The following TECPR2 variants were observed in gnomAD, a reference collection of about 807,000 sequenced individuals.
TECPR2 encodes the protein tectonin beta-propeller repeat-containing protein 2.
In TECPR2, 65 loss-of-function variants were observed where a neutral mutation model predicts 138.1. That is an observed-to-expected ratio of 0.47 (90% CI 0.39 to 0.58). The LOEUF is 0.58. TECPR2 is among the 20% of genes least tolerant of loss of function. The probability of loss-of-function intolerance (pLI) is 0.00; values close to 1 mark genes in which losing one functional copy is unlikely to be tolerated. For missense variants in TECPR2, 1,553 were observed against 1,824.5 expected (o/e 0.85, Z 2.71); for synonymous variants, 746 against 749.8 (o/e 0.99, Z 0.08).
intron 2 of TECPR2, among the ~76,000 whole-genome samples, chr14:102,377,502 C>A (rs536229737): frequency 6.6e-5 from 10 of 152,054 alleles, no homozygotes; most frequent in Admixed American, 6.6e-5. Flanking sequence ...GTCAGGAGTT[C>A]GAGACCAGCC....
intron 1 of TECPR2, among the ~76,000 whole-genome samples, chr14:102,375,404 G>A (rs771693556): frequency 6.6e-6 from 1 of 152,090 alleles, no homozygotes; most frequent in African/African-American, 2.4e-5. Flanking sequence ...GTGACAGAGA[G>A]AGAACTCAGT....
chr14:102,496,923 T>C (rs778455252), intron 17 of TECPR2, 56 bp from the exon 18 acceptor site: 26 of 1,596,750 alleles, frequency 1.6e-5, no homozygotes, highest in Non-Finnish European at 2.2e-5. Context: ...AAGTCTCCTG[T>C]CCTTTCTCTT....
At chr14:102,482,360 C>T (rs1445648083) in intron 17 of TECPR2, among the ~76,000 whole-genome samples, 1 of 152,198 alleles carries the variant, frequency 6.6e-6, no homozygotes, top group Admixed American at 6.5e-5. Flanking sequence ...CCAGCCTGCT[C>T]ATCTAGTTTT....
chr14:102,413,063 T>A (rs1567330231), intron 4 of TECPR2, among the ~76,000 whole-genome samples: 2 of 152,078 alleles, frequency 1.3e-5, no homozygotes, highest in Non-Finnish European at 2.9e-5. Context: ...ACCACTACAC[T>A]CCAGCCTAGG....
intron 2 of TECPR2, among the ~76,000 whole-genome samples, chr14:102,379,951 A>C (rs1031840022): frequency 6.7e-6 from 1 of 149,710 alleles, no homozygotes; most frequent in African/African-American, 2.5e-5. Flanking sequence ...CACACTGCTG[A>C]AGATCACCAT....
chr14:102,368,008 T>G, intron 1 of TECPR2, among the ~76,000 whole-genome samples: 1 of 79,946 alleles, frequency 1.3e-5, no homozygotes, highest in African/African-American at 3.6e-5. Flanking sequence ...TTTTTTTTTT[T>G]TTTTTTTTTT....
At chr14:102,417,031 C>A (rs1056675742) in intron 5 of TECPR2, among the ~76,000 whole-genome samples, 3 of 152,118 alleles carry the variant, frequency 2.0e-5, no homozygotes, top group Non-Finnish European at 4.4e-5. Context: ...GCCCTTTAAC[C>A]TCTTGTGTGG....
rs1889281641 is a variant in TECPR2, at chr14:102,425,153, C to T, written c.813C>T (p.His271=). ...FAGGVKPFEL[H]PRLESPNSGS... ...GGGGAGTCAAGCCTTTTGAACTGCA[C>T]CCGCGTCTGGAATCCCCCAACAGTG... The change falls in exon 6 of 20, where the codon CAC becomes CAT. Residue 271 remains histidine, a synonymous_variant. Transcript: ENST00000359520. 1.2e-6 allele frequency: 2 copies of T among 1,614,098 alleles called. No individual in the cohort carries two copies. The highest frequency in any genetic ancestry group is 8.5e-7 in the Non-Finnish European group (1 of 1,180,022).
At chr14:102,460,324 A>G (rs1345045384) in intron 16 of TECPR2, among the ~76,000 whole-genome samples, 1 of 151,742 alleles carries the variant, frequency 6.6e-6, no homozygotes, top group Non-Finnish European at 1.5e-5. Context: ...CAATTAATTA[A>G]AAAACAAGGC....
At chr14:102,449,462 T>G (rs956892603) in intron 13 of TECPR2, among the ~76,000 whole-genome samples, 167 bp from the exon 14 acceptor site, 2 of 152,260 alleles carry the variant, frequency 1.3e-5, no homozygotes, top group African/African-American at 4.8e-5. Flanking sequence ...CCTGCCACAT[T>G]TTTTTGGTCC....
chr14:102,495,883 C>T (rs1891266628), intron 17 of TECPR2, among the ~76,000 whole-genome samples: 1 of 152,238 alleles, frequency 6.6e-6, no homozygotes, highest in Non-Finnish European at 1.5e-5. Context: ...CTGGAGAGGG[C>T]ACCTCGATCC....
At chr14:102,395,933 C>A (rs918139488) in intron 2 of TECPR2, among the ~76,000 whole-genome samples, 2 of 152,162 alleles carry the variant, frequency 1.3e-5, no homozygotes, top group Non-Finnish European at 2.9e-5. Context: ...ACCCTCTCAG[C>A]AAAACCTGTG....
chr14:102,474,516 CAGGAGGCTG>C (rs964931550), intron 17 of TECPR2, among the ~76,000 whole-genome samples: 3 of 152,040 alleles, frequency 2.0e-5, no homozygotes, highest in Admixed American at 6.6e-5. Context: ...CCCAGCTACT[CAGGAGGCTG>C]AGGCAGGAGA....
intron 13 of TECPR2, among the ~76,000 whole-genome samples, chr14:102,446,404 G>C (rs1309638841): frequency 1.3e-5 from 2 of 152,142 alleles, no homozygotes; most frequent in Non-Finnish European, 2.9e-5. Flanking sequence ...TTCAAAGCCA[G>C]CCTGGGCAAC....
At chr14:102,487,539 T>C (rs1891055411) in intron 17 of TECPR2, among the ~76,000 whole-genome samples, 1 of 152,164 alleles carries the variant, frequency 6.6e-6, no homozygotes, top group Non-Finnish European at 1.5e-5. Flanking sequence ...GTTTTCTTTT[T>C]CTTTTCTTTT....
intron 17 of TECPR2, among the ~76,000 whole-genome samples, chr14:102,489,438 GA>G (rs1300668605): frequency 6.6e-6 from 1 of 151,804 alleles, no homozygotes; most frequent in East Asian, 2.0e-4. Flanking sequence ...CCAAAATGGT[GA>G]AACCCTGTCT....
At chr14:102,489,981 C>T (rs1891119376) in intron 17 of TECPR2, among the ~76,000 whole-genome samples, 1 of 151,164 alleles carries the variant, frequency 6.6e-6, no homozygotes, top group Admixed American at 6.6e-5. Context: ...AGTGCCTCCA[C>T]TAAAAATAAA....
chr14:102,430,566 C>T (rs975303387), intron 7 of TECPR2, among the ~76,000 whole-genome samples: 3 of 152,166 alleles, frequency 2.0e-5, no homozygotes, highest in African/African-American at 4.8e-5. Flanking sequence ...GGAGGATCCC[C>T]GATAAAGAGA....
At position 102,376,810 on chromosome 14, in the gene TECPR2, G is replaced by T. The variant is rs751738762; in HGVS notation, c.89G>T (p.Gly30Val). 1.2e-6 allele frequency: 2 copies of T among 1,614,178 alleles called. No homozygotes were observed. Among genetic ancestry groups the T allele is most frequent in the South Asian group, 1.1e-5 (1 of 91,088 alleles). Residue 30 changes from glycine (G) to valine (V), a missense_variant, in exon 2 of 20, where the codon GGT becomes GTT. Coordinates refer to ENST00000359520, the MANE Select transcript of TECPR2 (RefSeq NM_014844.5). ...LNAIPTKIQK[G>V]FRSIVVYLTA... ...GCCATTCCGACAAAGATCCAGAAGG[G>T]TTTCCGCTCTATCGTGGTCTATCTC...
Sources: allele counts gnomAD v4.1 joint callset (sites outside exome capture counted in the v4.1 genomes callset), GRCh38; gene constraint gnomAD v4.1.1; transcripts MANE v1.5; gene names NCBI Gene and HGNC (gene_info 2026-07-23, HGNC 2026-07-21).